Variants in SLCO6A1 observed in about 807,000 individuals in gnomAD.
SLCO6A1 encodes the protein cancer/testis antigen 48.
In SLCO6A1, 65 loss-of-function variants were observed where a neutral mutation model predicts 72.7. The ratio of observed to expected loss-of-function variants is 0.89; its 90% CI spans 0.73 to 1.10. The LOEUF (loss-of-function observed/expected upper bound fraction) is 1.10, where lower values mean the gene tolerates loss of function less well. Among genes scored for constraint, SLCO6A1 ranks in the 50% least tolerant of loss-of-function variants. The pLI is 0.00. For missense variants in SLCO6A1, 874 were observed against 872.6 expected (o/e 1.00, Z -0.02); for synonymous variants, 314 against 298.2 (o/e 1.05, Z -0.55).
Position 102,393,075 on chromosome 5 carries a change from A to C in SLCO6A1, c.1815-2030T>G, listed in dbSNP as rs1746857864. Among the ~76,000 whole-genome samples the C allele has an allele frequency of 3.9e-5, 6 of 152,134 alleles. 1 individual carries two copies. In the South Asian group the frequency reaches 1.2e-3, roughly 32 times the overall value. ...ACTGTCATTAAAAAATTTTTTTCAT[A>C]TCTCTTTTTTTATCTCTAATACCAC... On this transcript the variant is annotated intron_variant, in intron 10 of 13. Coordinates refer to ENST00000506729, the MANE Select transcript of SLCO6A1 (RefSeq NM_173488.5).
chr5:102,475,698 T>A lies in SLCO6A1; in HGVS notation c.898A>T (p.Asn300Tyr). ...AAAAAAGAAAAAATAATGCCTTACT[T>A]TGTTGCAGAAGTAGTATTCTCAGGG... Reference protein sequence around the residue: ...KVPENTTSATNTTVNNGSPEW... With the variant: ...KVPENTTSATYTTVNNGSPEW... The change falls in exon 4 of 14, where the codon AAC (asparagine) becomes TAC (tyrosine). Residue 300 changes from asparagine (N) to tyrosine (Y), a missense_variant and splice_region_variant. Transcript: ENST00000506729. The A allele has an allele frequency of 6.3e-7, 1 of 1,590,718 alleles. No homozygotes were observed. Among genetic ancestry groups the A allele is most frequent in the Non-Finnish European group, 8.6e-7 (1 of 1,169,104 alleles).
chr5:102,480,339 C>T lies in SLCO6A1; in HGVS notation c.454G>A (p.Asp152Asn), dbSNP rs765760386. Reference protein sequence around the residue: ...IEKLALEKSYDISSGLVAIFI... With the variant: ...IEKLALEKSYNISSGLVAIFI... ...ATTGCTACCAGGCCAGATGAAATAT[C>T]GTAACTCTTTTCCAATGCCAACTTC... The change falls in exon 2 of 14, where the codon GAT becomes AAT. Residue 152 changes from aspartate (D) to asparagine (N), a missense_variant. Asp to Asn is a conservative substitution (Grantham distance 23). Coordinates refer to ENST00000506729, the MANE Select transcript of SLCO6A1 (RefSeq NM_173488.5). The T allele has an allele frequency of 1.1e-5, 18 of 1,613,476 alleles. No homozygotes were observed. Among genetic ancestry groups the T allele is most frequent in the Non-Finnish European group, 1.4e-5 (16 of 1,179,688 alleles).
rs537896806 is a variant in SLCO6A1, at chr5:102,448,244, T to C, written c.1132-9483A>G. Reference sequence around the variant, plus strand: ...CACTGTTGTTTGAGAGTGCAGTTGGTATGATTTCATTTTATTTGAATTTGT... The same window carrying C: ...CACTGTTGTTTGAGAGTGCAGTTGGCATGATTTCATTTTATTTGAATTTGT... On this transcript the variant is annotated intron_variant, in intron 6 of 13. Coordinates refer to ENST00000506729, the MANE Select transcript of SLCO6A1 (RefSeq NM_173488.5). Among the ~76,000 whole-genome samples, 567 of 152,322 alleles carry C rather than the reference T, an allele frequency of 3.7e-3. 10 individuals carry two copies. The highest frequency in any genetic ancestry group is 8.5e-4 in the Non-Finnish European group (58 of 68,028).
intron 1 of SLCO6A1, among the ~76,000 whole-genome samples, chr5:102,491,025 AG>A (rs1169159846): frequency 6.6e-6 from 1 of 152,068 alleles, no homozygotes; most frequent in Non-Finnish European, 1.5e-5. Context: ...CTGTTTTGGC[AG>A]GGCGCTGATT....
intron 9 of SLCO6A1, among the ~76,000 whole-genome samples, chr5:102,404,011 T>C (rs967603538): frequency 2.0e-5 from 3 of 152,226 alleles, no homozygotes; most frequent in Non-Finnish European, 4.4e-5. Context: ...TTCTTTCAAG[T>C]ACATACATCA....
intron 12 of SLCO6A1, among the ~76,000 whole-genome samples, chr5:102,381,057 T>C (rs1746078120): frequency 6.6e-6 from 1 of 151,968 alleles, no homozygotes; most frequent in African/African-American, 2.4e-5. Context: ...TTAATATATT[T>C]ATCACATTAT....
At chr5:102,419,545 C>T (rs944451104) in intron 8 of SLCO6A1, among the ~76,000 whole-genome samples, 2 of 152,144 alleles carry the variant, frequency 1.3e-5, no homozygotes, top group Non-Finnish European at 2.9e-5. Flanking sequence ...CTAGTTGCTA[C>T]CCACCCTAAT....
chr5:102,482,367 C>T (rs1343336013), intron 1 of SLCO6A1, among the ~76,000 whole-genome samples: 1 of 152,114 alleles, frequency 6.6e-6, no homozygotes, highest in Non-Finnish European at 1.5e-5. Flanking sequence ...AGAGCTGCTA[C>T]AAGTTTTATT....
chr5:102,484,954 T>C (rs1027766516), intron 1 of SLCO6A1, among the ~76,000 whole-genome samples: 14 of 152,114 alleles, frequency 9.2e-5, no homozygotes, highest in African/African-American at 3.4e-4. Context: ...CAGGACTGGG[T>C]TGTTTTAAAA....
Position 102,498,664 on chromosome 5 carries a change from A to AC in SLCO6A1, c.180dup (p.Phe61ValfsTer23). The AC allele has an allele frequency of 6.2e-7, 1 of 1,614,234 alleles. No homozygotes were observed. Among genetic ancestry groups the AC allele is most frequent in the Non-Finnish European group, 8.5e-7 (1 of 1,180,036 alleles). ...TTTTTCCTTTTTCGGAAACCGCCGA[A>AC]CCTTATCAAGGCCTCTGGAAGTAGT... is the stretch of plus-strand genomic sequence containing the variant. On this transcript the variant is annotated frameshift_variant, in exon 1 of 14. Coordinates refer to ENST00000506729, the MANE Select transcript of SLCO6A1 (RefSeq NM_173488.5). LOFTEE classifies it high-confidence loss of function.
At position 102,440,017 on chromosome 5, in the gene SLCO6A1, T is replaced by C. The variant is rs994506322; in HGVS notation, c.1132-1256A>G. Among the ~76,000 whole-genome samples the C allele has an allele frequency of 4.6e-5, 7 of 152,210 alleles. 1 individual carries two copies. The highest frequency in any genetic ancestry group is 2.6e-4 in the Admixed American group (4 of 15,284). ...CTACATGACTTCTGAGGTTGGGTCG[T>C]AAAATGAAAATATGACTTTTGCTGG... On this transcript the variant is annotated intron_variant, in intron 6 of 13. Transcript: ENST00000506729.
intron 6 of SLCO6A1, among the ~76,000 whole-genome samples, chr5:102,447,566 G>C (rs1750180778): frequency 6.6e-6 from 1 of 152,102 alleles, no homozygotes; most frequent in African/African-American, 2.4e-5. Context: ...ATACTTGTCT[G>C]TTCAGGGTTT....
chr5:102,392,714 T>C (rs1316256183), intron 10 of SLCO6A1, among the ~76,000 whole-genome samples: 1 of 151,962 alleles, frequency 6.6e-6, no homozygotes, highest in African/African-American at 2.4e-5. Flanking sequence ...TTAACATTTT[T>C]AAAATCTAAT....
chr5:102,452,282 T>C (rs755734862), intron 6 of SLCO6A1, among the ~76,000 whole-genome samples: 10 of 152,238 alleles, frequency 6.6e-5, no homozygotes, highest in Non-Finnish European at 1.0e-4. Context: ...TAAAATATTA[T>C]TCCTTACCAA....
chr5:102,445,918 T>C (rs1048850052), intron 6 of SLCO6A1, among the ~76,000 whole-genome samples: 1 of 152,174 alleles, frequency 6.6e-6, no homozygotes, highest in African/African-American at 2.4e-5. Context: ...TTCTGTTCCA[T>C]TGGTCTCTGT....
At position 102,419,982 on chromosome 5, in the gene SLCO6A1, A is replaced by T; in HGVS notation, c.1316T>A (p.Leu439Gln). 1 of 1,589,386 alleles carries T rather than the reference A, an allele frequency of 6.3e-7. No homozygotes were observed. ...LIPGGALGQL[L>Q]GGVIVSTLEM... ...TAATGTGGAAACAATGACACCTCCC[A>T]GAAGCTGGCCAAGTGCACCTCCTGG... Residue 439 changes from leucine to glutamine, a missense_variant, in exon 8 of 14, where the codon CTG becomes CAG. Leu to Gln is a moderately radical substitution (Grantham distance 113). Coordinates refer to ENST00000506729, the MANE Select transcript of SLCO6A1 (RefSeq NM_173488.5).
intron 12 of SLCO6A1, among the ~76,000 whole-genome samples, chr5:102,388,475 C>T (rs527769588): frequency 2.6e-5 from 4 of 152,040 alleles, no homozygotes; most frequent in Non-Finnish European, 4.4e-5. Context: ...ATAGCTGGGA[C>T]TACAAGTATG....
chr5:102,404,990 A>G (rs1246374382), intron 9 of SLCO6A1, among the ~76,000 whole-genome samples: 3 of 152,168 alleles, frequency 2.0e-5, no homozygotes, highest in Non-Finnish European at 4.4e-5. Context: ...CACTGGAGGT[A>G]TCTCACAGAA....
chr5:102,416,421 T>G (rs1748289317), intron 8 of SLCO6A1, among the ~76,000 whole-genome samples: 1 of 152,012 alleles, frequency 6.6e-6, no homozygotes, highest in Admixed American at 6.6e-5. Context: ...ATAATGTCTT[T>G]TATGGCAACA....
Sources: gnomAD v4.1 joint callset for allele counts (sites outside exome capture counted in the v4.1 genomes callset) on GRCh38, gnomAD v4.1.1 for gene constraint, MANE v1.5 for transcripts, NCBI Gene and HGNC (gene_info 2026-07-23, HGNC 2026-07-21) for gene names.